Variants in NDST4 observed in about 807,000 individuals in gnomAD.
NDST4 encodes N-deacetylase and N-sulfotransferase 4.
NDST4 carries 63 observed loss-of-function variants against 100.8 expected under a neutral mutation model. That is an observed-to-expected ratio of 0.62 (90% CI 0.51 to 0.77). The LOEUF is 0.77. Ranked by LOEUF, NDST4 falls within the 30% of genes least tolerant of loss-of-function variation. The pLI, the probability that NDST4 is intolerant of heterozygous loss-of-function variation, is 0.00. For synonymous variants in NDST4, 377 were observed against 361.8 expected, an observed-to-expected ratio of 1.04 and a Z score of -0.48; for missense variants, 943 against 1,018.4, an observed-to-expected ratio of 0.93 and a Z score of 1.01.
intron 1 of NDST4, among the ~76,000 whole-genome samples, chr4:115,081,497 A>G (rs947241652): frequency 2.0e-5 from 3 of 152,194 alleles, no homozygotes; most frequent in Non-Finnish European, 2.9e-5. Flanking sequence ...GGGAAAAGGC[A>G]TGCAGGAGTA....
At chr4:114,958,200 CA>C (rs1182614773) in intron 4 of NDST4, among the ~76,000 whole-genome samples, 2 of 152,332 alleles carry the variant, frequency 1.3e-5, no homozygotes, top group East Asian at 3.9e-4. Flanking sequence ...GACATCCAGG[CA>C]TTTCCATACA....
At chr4:114,861,871 A>G (rs1354612794) in intron 7 of NDST4, among the ~76,000 whole-genome samples, 1 of 152,160 alleles carries the variant, frequency 6.6e-6, no homozygotes, top group East Asian at 1.9e-4. Flanking sequence ...CCTGATGATG[A>G]TAGTCAAAGC....
intron 1 of NDST4, among the ~76,000 whole-genome samples, chr4:115,112,827 T>C (rs774215125): frequency 1.3e-5 from 2 of 151,930 alleles, no homozygotes; most frequent in Non-Finnish European, 2.9e-5. Context: ...GCATATGACA[T>C]ATATTGTTCT....
At chr4:115,013,323 G>T (rs1727596954) in intron 2 of NDST4, among the ~76,000 whole-genome samples, 2 of 89,678 alleles carry the variant, frequency 2.2e-5, no homozygotes, top group Non-Finnish European at 4.8e-5. Context: ...AATATCTCAT[G>T]TACTCCATAA....
chr4:114,974,282 C>CA (rs200381782), intron 3 of NDST4, among the ~76,000 whole-genome samples: 100 of 143,642 alleles, frequency 7.0e-4, no homozygotes, highest in Non-Finnish European at 8.4e-4. Context: ...GCAACATATG[C>CA]AAAAAACAAA....
intron 13 of NDST4, among the ~76,000 whole-genome samples, chr4:114,828,589 G>A (rs539852841): frequency 1.3e-5 from 2 of 151,976 alleles, no homozygotes; most frequent in Non-Finnish European, 2.9e-5. Flanking sequence ...AATGGTTTTA[G>A]TTTTATATTT....
At chr4:114,846,047 C>A (rs771486211) in intron 9 of NDST4, 50 bp from the exon 10 acceptor site, 2 of 1,381,942 alleles carry the variant, frequency 1.4e-6, no homozygotes, top group East Asian at 2.3e-5. Context: ...TTTTTCTTGC[C>A]ATATTCTGAA....
chr4:114,835,859 T>C (rs1364948666), intron 11 of NDST4, among the ~76,000 whole-genome samples: 1 of 152,238 alleles, frequency 6.6e-6, no homozygotes, highest in Non-Finnish European at 1.5e-5. Flanking sequence ...CCTTTACTGT[T>C]ATTTAATGCC....
chr4:114,917,191 A>C (rs919031362), intron 6 of NDST4, among the ~76,000 whole-genome samples: 1 of 152,182 alleles, frequency 6.6e-6, no homozygotes, highest in Non-Finnish European at 1.5e-5. Context: ...AATAGTTGTT[A>C]TATTCGTATT....
chr4:115,023,903 A>T (rs74839870), intron 2 of NDST4, among the ~76,000 whole-genome samples: 11 of 152,242 alleles, frequency 7.2e-5, no homozygotes, highest in African/African-American at 2.6e-4. Flanking sequence ...CATTGCCCAG[A>T]TCTGCGATGG....
intron 2 of NDST4, among the ~76,000 whole-genome samples, chr4:115,025,100 A>T (rs538415692): frequency 2.0e-4 from 30 of 152,180 alleles, no homozygotes; most frequent in Non-Finnish European, 3.5e-4. Flanking sequence ...TTCATTATAA[A>T]TTACCGAGTC....
At position 115,076,653 on chromosome 4, in the gene NDST4, A is replaced by G. The variant is rs142005379; in HGVS notation, c.384T>C (p.Tyr128=). ...PPLTDNGKGK[Y]TLVIYENILK... ...GAATATTTTCATAAATAACTAAAGT[A>G]TATTTCCCTTTGCCATTATCTGTAA... The change falls in exon 2 of 14, where the codon TAT becomes TAC. Residue 128 remains tyrosine, a synonymous_variant. Coordinates refer to ENST00000264363, the MANE Select transcript of NDST4 (RefSeq NM_022569.3). 1 of 1,613,890 alleles carries G rather than the reference A, an allele frequency of 6.2e-7. No homozygotes were observed. Among genetic ancestry groups the G allele is most frequent in the East Asian group, 2.2e-5 (1 of 44,772 alleles).
chr4:114,836,103 C>T (rs1723300345), intron 11 of NDST4, among the ~76,000 whole-genome samples: 1 of 152,138 alleles, frequency 6.6e-6, no homozygotes, highest in Non-Finnish European at 1.5e-5. Context: ...GGCATTTAAC[C>T]CATTTACATT....
chr4:114,949,516 A>C (rs1335742699), intron 4 of NDST4, among the ~76,000 whole-genome samples: 1 of 152,026 alleles, frequency 6.6e-6, no homozygotes. Context: ...TCAGCAGTTT[A>C]AGATTGCCAA....
chr4:115,100,515 T>C (rs1007826484), intron 1 of NDST4, among the ~76,000 whole-genome samples: 1 of 152,138 alleles, frequency 6.6e-6, no homozygotes, highest in African/African-American at 2.4e-5. Context: ...GACATTTATA[T>C]ATAACTTTCT....
chr4:114,835,080 AT>A (rs1029503793), intron 11 of NDST4, among the ~76,000 whole-genome samples: 1 of 151,930 alleles, frequency 6.6e-6, no homozygotes, highest in African/African-American at 2.4e-5. Flanking sequence ...GGATTCATGG[AT>A]TTTTTGAAAG....
intron 2 of NDST4, among the ~76,000 whole-genome samples, chr4:114,997,223 G>C (rs1394496457): frequency 6.6e-6 from 1 of 151,958 alleles, no homozygotes; most frequent in Admixed American, 6.6e-5. Context: ...CCACTAACTA[G>C]TCCTCTTATA....
intron 6 of NDST4, among the ~76,000 whole-genome samples, chr4:114,932,559 T>G (rs1419642327): frequency 1.3e-5 from 2 of 151,972 alleles, no homozygotes; most frequent in Admixed American, 1.3e-4. Context: ...GTTAAATTGT[T>G]TCTGTTTGCA....
chr4:115,041,118 T>A (rs1728339412), intron 2 of NDST4, among the ~76,000 whole-genome samples: 1 of 152,086 alleles, frequency 6.6e-6, no homozygotes, highest in Non-Finnish European at 1.5e-5. Flanking sequence ...AATGAATTAA[T>A]GCATAGAGGC....
Sources: gnomAD v4.1 joint callset for allele counts (sites outside exome capture counted in the v4.1 genomes callset) on GRCh38, gnomAD v4.1.1 for gene constraint, MANE v1.5 for transcripts, NCBI Gene and HGNC (gene_info 2026-07-23, HGNC 2026-07-21) for gene names.